The following DOCK2 variants were observed in gnomAD, a reference collection of about 807,000 sequenced individuals.
DOCK2 encodes dedicator of cytokinesis 2.
DOCK2 carries 87 observed loss-of-function variants against 248.9 expected under a neutral mutation model. The ratio of observed to expected loss-of-function variants is 0.35; its 90% CI spans 0.29 to 0.42. The LOEUF is 0.42. Ranked by LOEUF, DOCK2 falls within the 10% of genes least tolerant of loss-of-function variation. The pLI, the probability that DOCK2 is intolerant of heterozygous loss-of-function variation, is 1.00. For missense variants in DOCK2, 1,747 were observed against 2,300.2 expected (o/e 0.76, Z 4.92); for synonymous variants, 805 against 821.6 (o/e 0.98, Z 0.35).
In DOCK2 at chr5:169,983,073, C is replaced by G. The variant is rs1243534362; in HGVS notation, c.2805C>G (p.His935Gln). The G allele has an allele frequency of 6.2e-7, 1 of 1,614,032 alleles. No individual in the cohort carries two copies. Among genetic ancestry groups the G allele is most frequent in the Non-Finnish European group, 8.5e-7 (1 of 1,179,902 alleles). Residue 935 changes from histidine to glutamine, a missense_variant, in exon 28 of 52, where the codon CAC (histidine) becomes CAG (glutamine). His to Gln is a conservative substitution (Grantham distance 24). This residue lies in a region of DOCK2 where 858 missense variants were observed against 1,183.5 expected (regional missense o/e 0.72). Coordinates refer to ENST00000520908, the MANE Select transcript of DOCK2 (RefSeq NM_004946.3). Reference sequence around the variant, plus strand: ...TTTGTCTTCATTTCTTGCAGAGTCACTTTGTGGCATGTATGACAGCCATCT... The same window carrying G: ...TTTGTCTTCATTTCTTGCAGAGTCAGTTTGTGGCATGTATGACAGCCATCT... ...TMGRDHILISHFVACMTAILN... is the reference protein window; with the variant it reads ...TMGRDHILISQFVACMTAILN...
At chr5:170,001,143 C>G (rs932520595) in intron 30 of DOCK2, among the ~76,000 whole-genome samples, 1 of 152,166 alleles carries the variant, frequency 6.6e-6, no homozygotes, top group African/African-American at 2.4e-5. Flanking sequence ...ACACCTGGGA[C>G]CTTCCACTCC....
At chr5:170,003,705 G>A (rs1006884629) in intron 30 of DOCK2, among the ~76,000 whole-genome samples, 1 of 152,184 alleles carries the variant, frequency 6.6e-6, no homozygotes, top group Middle Eastern at 3.2e-3. Context: ...GACAGCACTG[G>A]GGACCATGGA....
intron 29 of DOCK2, among the ~76,000 whole-genome samples, chr5:169,986,363 A>C (rs574692363): frequency 5.1e-4 from 78 of 152,270 alleles, no homozygotes; most frequent in African/African-American, 1.8e-3. Flanking sequence ...TTTTTTTCTA[A>C]GAGGAGGATT....
chr5:169,796,240 T>G (rs1274332498), intron 25 of DOCK2, among the ~76,000 whole-genome samples: 1 of 152,232 alleles, frequency 6.6e-6, no homozygotes, highest in African/African-American at 2.4e-5. Flanking sequence ...AAAATCTGTA[T>G]TCTGATGGTG....
intron 13 of DOCK2, 187 bp from the exon 14 acceptor site, chr5:169,702,116 A>C: frequency 1.9e-6 from 1 of 513,366 alleles, no homozygotes; most frequent in Non-Finnish European, 3.2e-6. Flanking sequence ...GCATCCCTTC[A>C]TCCCCGTGTT....
intron 8 of DOCK2, 86 bp from the exon 9 acceptor site, chr5:169,689,166 G>A: frequency 2.3e-6 from 3 of 1,322,046 alleles, no homozygotes; most frequent in Non-Finnish European, 2.2e-6. Flanking sequence ...ATGGTGTTGG[G>A]CACATAGTAG....
chr5:169,816,936 G>A (rs1202657788), intron 26 of DOCK2, among the ~76,000 whole-genome samples: 2 of 152,066 alleles, frequency 1.3e-5, no homozygotes, highest in Non-Finnish European at 2.9e-5. Context: ...CCTCCAACTG[G>A]TGGTTTACAA....
chr5:169,999,600 A>T (rs1295821663), intron 30 of DOCK2, among the ~76,000 whole-genome samples: 1 of 152,160 alleles, frequency 6.6e-6, no homozygotes, highest in Non-Finnish European at 1.5e-5. Context: ...AGTGGCCAAC[A>T]TTACAAAATA....
At chr5:169,771,173 C>T (rs1348397589) in intron 25 of DOCK2, among the ~76,000 whole-genome samples, 1 of 152,258 alleles carries the variant, frequency 6.6e-6, no homozygotes, top group Non-Finnish European at 1.5e-5. Flanking sequence ...TCATCACTGT[C>T]TTCAGTTGCA....
chr5:170,064,077 G>A (rs1019419730), intron 44 of DOCK2, among the ~76,000 whole-genome samples: 1 of 152,136 alleles, frequency 6.6e-6, no homozygotes, highest in Admixed American at 6.5e-5. Flanking sequence ...AACAGAGACA[G>A]CAGTCTGGAC....
At chr5:169,806,174 C>T (rs1767342428) in intron 26 of DOCK2, among the ~76,000 whole-genome samples, 1 of 150,590 alleles carries the variant, frequency 6.6e-6, no homozygotes, top group African/African-American at 2.4e-5. Flanking sequence ...TATATAGCGG[C>T]TCTCAACATT....
chr5:169,824,089 G>C (rs1351769719), intron 26 of DOCK2, among the ~76,000 whole-genome samples: 1 of 152,088 alleles, frequency 6.6e-6, no homozygotes, highest in African/African-American at 2.4e-5. Flanking sequence ...TCTTCAAGGA[G>C]AACTACAAAC....
chr5:169,721,402 CT>C (rs1464506645), intron 22 of DOCK2, among the ~76,000 whole-genome samples: 1 of 152,168 alleles, frequency 6.6e-6, no homozygotes, highest in Non-Finnish European at 1.5e-5. Flanking sequence ...GTGTCTTGTT[CT>C]TTTTAGAATC....
intron 27 of DOCK2, chr5:169,864,340 G>T (rs970688626): frequency 1.3e-6 from 2 of 1,551,546 alleles, no homozygotes; most frequent in South Asian, 1.2e-5. Flanking sequence ...CTTTTCCGGG[G>T]CTGGGGGTTC....
At chr5:170,070,186 G>A (rs1757634986) in intron 46 of DOCK2, among the ~76,000 whole-genome samples, 3 of 152,376 alleles carry the variant, frequency 2.0e-5, no homozygotes. Flanking sequence ...CTGGCGGGAG[G>A]TGAGCAGTGG....
chr5:169,732,720 C>T (rs2113630827), intron 22 of DOCK2, among the ~76,000 whole-genome samples: 1 of 152,272 alleles, frequency 6.6e-6, no homozygotes, highest in South Asian at 2.1e-4. Context: ...TACTGCTAAC[C>T]TCCTACTCCA....
At chr5:169,667,149 A>G (rs977072317) in intron 2 of DOCK2, among the ~76,000 whole-genome samples, 3 of 152,050 alleles carry the variant, frequency 2.0e-5, no homozygotes, top group Non-Finnish European at 4.4e-5. Flanking sequence ...GGGACCATCT[A>G]TTGGTCCCTC....
chr5:170,082,159 T>G (rs1758057919), intron 51 of DOCK2, among the ~76,000 whole-genome samples, 175 bp downstream of exon 51: 1 of 152,102 alleles, frequency 6.6e-6, no homozygotes, highest in Non-Finnish European at 1.5e-5. Flanking sequence ...AGGGCAGTTC[T>G]CCTCTGGGGC....
chr5:169,703,435 C>T (rs1308621614), intron 14 of DOCK2, among the ~76,000 whole-genome samples: 1 of 152,192 alleles, frequency 6.6e-6, no homozygotes, highest in Non-Finnish European at 1.5e-5. Flanking sequence ...TACAGTAACT[C>T]GCCCAAAGCC....
Sources: gnomAD v4.1 joint callset for allele counts (sites outside exome capture counted in the v4.1 genomes callset) on GRCh38, gnomAD v4.1.1 for gene constraint, gnomAD v4.1.1 regional missense constraint, MANE v1.5 for transcripts, NCBI Gene and HGNC (gene_info 2026-07-23, HGNC 2026-07-21) for gene names.